The following PDE4D variants were observed in gnomAD, a reference collection of about 807,000 sequenced individuals.
PDE4D encodes the protein phosphodiesterase 4D.
PDE4D carries 24 observed loss-of-function variants against 87.4 expected under a neutral mutation model. That is an observed-to-expected ratio of 0.27 (90% CI 0.20 to 0.39). PDE4D has a LOEUF of 0.39. PDE4D is among the 10% of genes least tolerant of loss of function. The pLI, the probability that PDE4D is intolerant of heterozygous loss-of-function variation, is 1.00. For missense variants in PDE4D, 714 were observed against 1,041.0 expected, an observed-to-expected ratio of 0.69 and a Z score of 4.32; for synonymous variants, 384 against 383.2, an observed-to-expected ratio of 1.00 and a Z score of -0.02.
At chr5:59,882,449 C>T (rs1052152943) in intron 1 of PDE4D, among the ~76,000 whole-genome samples, 3 of 152,106 alleles carry the variant, frequency 2.0e-5, no homozygotes, top group African/African-American at 7.2e-5. Context: ...TGGAAGCACA[C>T]CTGCATACTA....
At chr5:59,039,150 G>T (rs1413178384) in intron 5 of PDE4D, 179 bp from the exon 6 acceptor site, 4 of 1,356,874 alleles carry the variant, frequency 2.9e-6, no homozygotes, top group East Asian at 3.0e-5. Context: ...GGCTGTGCTC[G>T]CGGGGCGGCC....
intron 1 of PDE4D, among the ~76,000 whole-genome samples, chr5:60,436,726 C>T (rs753946013): frequency 6.6e-6 from 1 of 152,000 alleles, no homozygotes; most frequent in Non-Finnish European, 1.5e-5. Flanking sequence ...AGGATGCATT[C>T]GGTTCACTGA....
At chr5:59,892,792 C>A (rs1219585623) in intron 1 of PDE4D, among the ~76,000 whole-genome samples, 1 of 152,002 alleles carries the variant, frequency 6.6e-6, no homozygotes, top group Admixed American at 6.5e-5. Context: ...CTTCTCCACC[C>A]AGAGCAAACT....
chr5:60,404,520 T>C (rs1368029105), intron 1 of PDE4D, among the ~76,000 whole-genome samples: 1 of 152,184 alleles, frequency 6.6e-6, no homozygotes, highest in Non-Finnish European at 1.5e-5. Flanking sequence ...GATGAAAATG[T>C]TCTTTCTGTG....
intron 1 of PDE4D, among the ~76,000 whole-genome samples, chr5:59,749,491 T>C (rs532728540): frequency 1.3e-5 from 2 of 152,314 alleles, no homozygotes; most frequent in East Asian, 3.9e-4. Context: ...CTCAAACTCC[T>C]GACCTCAGGG....
chr5:59,676,375 C>A (rs1319797877), intron 1 of PDE4D, among the ~76,000 whole-genome samples: 1 of 152,054 alleles, frequency 6.6e-6, no homozygotes, highest in Non-Finnish European at 1.5e-5. Flanking sequence ...AATATTTATT[C>A]ATTTATACTT....
upstream of PDE4D, among the ~76,000 whole-genome samples, chr5:59,895,286 T>C (rs1751510430): frequency 6.6e-6 from 1 of 152,232 alleles, no homozygotes; most frequent in Non-Finnish European, 1.5e-5. Flanking sequence ...AATGTGCAAG[T>C]GGCAGGAGAA....
chr5:59,579,494 T>C (rs1226377052), intron 1 of PDE4D, among the ~76,000 whole-genome samples: 4 of 152,210 alleles, frequency 2.6e-5, no homozygotes, highest in Non-Finnish European at 5.9e-5. Flanking sequence ...AGACATACAA[T>C]TAGTTGAATA....
intron 1 of PDE4D, among the ~76,000 whole-genome samples, chr5:60,270,744 A>T (rs539781400): frequency 6.6e-6 from 1 of 152,300 alleles, no homozygotes; most frequent in African/African-American, 2.4e-5. Context: ...TCTCAATGAA[A>T]TCTCCGCTTA....
At chr5:58,981,001 C>A (rs1294455797) in intron 11 of PDE4D, among the ~76,000 whole-genome samples, 2 of 152,062 alleles carry the variant, frequency 1.3e-5, no homozygotes, top group Non-Finnish European at 2.9e-5. Flanking sequence ...GCAAATTGCC[C>A]TTCCCCCAAT....
chr5:59,651,855 A>G (rs1005957314), intron 1 of PDE4D, among the ~76,000 whole-genome samples: 19 of 152,146 alleles, frequency 1.2e-4, no homozygotes, highest in African/African-American at 4.3e-4. Flanking sequence ...TGATGTGAAG[A>G]TTCCCCTTCA....
chr5:59,463,576 A>G (rs1330967112), intron 1 of PDE4D, among the ~76,000 whole-genome samples: 1 of 152,198 alleles, frequency 6.6e-6, no homozygotes, highest in Non-Finnish European at 1.5e-5. Flanking sequence ...TCTGCTAACA[A>G]AGGTATTCAA....
chr5:60,075,158 C>CT (rs1359622549), intron 2 of PDE4D, among the ~76,000 whole-genome samples: 2 of 152,134 alleles, frequency 1.3e-5, no homozygotes, highest in Non-Finnish European at 2.9e-5. Context: ...ACGGTCTTTC[C>CT]TTTTCATATT....
chr5:59,244,762 GAT>G (rs1445062057), intron 1 of PDE4D, among the ~76,000 whole-genome samples: 1 of 135,122 alleles, frequency 7.4e-6, no homozygotes, highest in Non-Finnish European at 1.6e-5. Context: ...CACATAATAG[GAT>G]ATATATGACC....
At chr5:60,255,756 C>T (rs1748986596) in intron 1 of PDE4D, among the ~76,000 whole-genome samples, 1 of 151,740 alleles carries the variant, frequency 6.6e-6, no homozygotes, top group Non-Finnish European at 1.5e-5. Flanking sequence ...GATCACTTAG[C>T]TCCAGGAGTT....
intron 1 of PDE4D, among the ~76,000 whole-genome samples, chr5:60,503,210 C>T (rs1750175301): frequency 6.6e-6 from 1 of 152,006 alleles, no homozygotes; most frequent in Admixed American, 6.6e-5. Flanking sequence ...TACTCCTTTC[C>T]CTAATAACTC....
In PDE4D at chr5:59,646,307, G is replaced by A. The variant is rs1022653912; in HGVS notation, c.455+246861C>T. 5.9e-5 allele frequency among the ~76,000 whole-genome samples: 9 copies of A among 152,150 alleles called. No individual in the cohort carries two copies. The South Asian group carries it at 1.9e-3, about 32-fold the overall frequency. ...TACCATAGTTTCCCTGGGATATGAA[G>A]AGGTAACTTCCTTTATATTACAACT... On this transcript the variant is annotated intron_variant, in intron 1 of 14. Transcript: ENST00000340635.
intron 1 of PDE4D, among the ~76,000 whole-genome samples, chr5:60,343,173 A>C (rs1758450846): frequency 2.0e-5 from 3 of 152,126 alleles, no homozygotes; most frequent in Admixed American, 2.0e-4. Context: ...CATGCTCCTA[A>C]AACTGCCTGG....
chr5:59,232,688 G>GAAATCT (rs1161905319), intron 1 of PDE4D, among the ~76,000 whole-genome samples: 3 of 152,034 alleles, frequency 2.0e-5, no homozygotes, highest in Non-Finnish European at 2.9e-5. Flanking sequence ...TAAAGGAAAG[G>GAAATCT]AAAGGAAATC....
Sources: gnomAD v4.1 joint callset for allele counts (sites outside exome capture counted in the v4.1 genomes callset) on GRCh38, gnomAD v4.1.1 for gene constraint, MANE v1.5 for transcripts, NCBI Gene and HGNC (gene_info 2026-07-23, HGNC 2026-07-21) for gene names.